The following PALS2 variants were observed in gnomAD, a reference collection of about 807,000 sequenced individuals.
PALS2 encodes the protein protein associated with LIN7 2, MAGUK p55 family member.
Under a neutral mutation model 61.6 loss-of-function variants are expected in PALS2, and 27 were observed. The observed-to-expected ratio is 0.44, with a 90% CI of 0.32 to 0.60. The LOEUF is 0.60. Ranked by LOEUF, PALS2 falls within the 20% of genes least tolerant of loss-of-function variation. The probability of loss-of-function intolerance (pLI) is 0.05; values close to 1 mark genes in which losing one functional copy is unlikely to be tolerated. For synonymous variants in PALS2, 236 were observed against 218.6 expected, an observed-to-expected ratio of 1.08 and a Z score of -0.70; for missense variants, 554 against 639.4, an observed-to-expected ratio of 0.87 and a Z score of 1.44.
At position 24,666,022 on chromosome 7, in the gene PALS2, AC is replaced by A; in HGVS notation, c.887del (p.Pro296LeufsTer6). On this transcript the variant is annotated frameshift_variant and splice_region_variant, in exon 8 of 12. Coordinates refer to ENST00000222644, the MANE Select transcript of PALS2 (RefSeq NM_001303037.2). LOFTEE classifies it high-confidence loss of function. ...FVRRDWDNSG[P>X]FCGTISSKKK... is the part of the protein sequence containing the mutation. ...TATATTTGTTTTATCATCCTTCAGG[AC>A]CTTTTTGTGGAACTATAAGTAGCAA... The A allele has an allele frequency of 6.2e-7, 1 of 1,607,618 alleles. No homozygotes were observed. The highest frequency in any genetic ancestry group is 8.5e-7 in the Non-Finnish European group (1 of 1,174,992).
chr7:24,583,534 C>T (rs1464326217), intron 1 of PALS2, among the ~76,000 whole-genome samples: 2 of 151,862 alleles, frequency 1.3e-5, no homozygotes, highest in Non-Finnish European at 2.9e-5. Context: ...TTGAAAGAAA[C>T]TTTTCACGAC....
intron 8 of PALS2, among the ~76,000 whole-genome samples, chr7:24,667,235 A>G (rs966475340): frequency 6.6e-6 from 1 of 152,174 alleles, no homozygotes; most frequent in African/African-American, 2.4e-5. Context: ...CTTTTTTGCA[A>G]AATAGAAAAT....
At chr7:24,659,436 C>T (rs528574224) in intron 5 of PALS2, among the ~76,000 whole-genome samples, 26 of 152,218 alleles carry the variant, frequency 1.7e-4, no homozygotes, top group Non-Finnish European at 3.1e-4. Context: ...GTGCTTTCCA[C>T]AGTGGCTGAA....
At chr7:24,629,034 A>T (rs1183393089) in intron 2 of PALS2, among the ~76,000 whole-genome samples, 4 of 152,154 alleles carry the variant, frequency 2.6e-5, no homozygotes, top group Non-Finnish European at 4.4e-5. Context: ...TATAGCCTAG[A>T]CAATCCTAAG....
intron 11 of PALS2, among the ~76,000 whole-genome samples, chr7:24,686,470 G>C (rs1312548749): frequency 6.6e-6 from 1 of 152,116 alleles, no homozygotes; most frequent in Non-Finnish European, 1.5e-5. Flanking sequence ...ATTTTGCCCT[G>C]CTGTTTCCTC....
rs141744941 is a variant in PALS2, at chr7:24,581,398, T to C, written c.-3+7805T>C. Among the ~76,000 whole-genome samples, 270 of 152,264 alleles carry C rather than the reference T, an allele frequency of 1.8e-3. 1 individual carries two copies. The highest frequency in any genetic ancestry group is 6.3e-3 in the African/African-American group (260 of 41,570). On this transcript the variant is annotated intron_variant, in intron 1 of 11. Coordinates refer to ENST00000222644, the MANE Select transcript of PALS2 (RefSeq NM_001303037.2). Reference sequence around the variant, plus strand: ...ATCTTTAATCACACCTGTGAAACTTTCCAAATGCGGTGACATTCATAGGTG... The same window carrying C: ...ATCTTTAATCACACCTGTGAAACTTCCCAAATGCGGTGACATTCATAGGTG...
chr7:24,678,769 G>A (rs565751482), intron 9 of PALS2, among the ~76,000 whole-genome samples: 92 of 152,112 alleles, frequency 6.0e-4, no homozygotes, highest in Non-Finnish European at 1.1e-3. Context: ...ATTTTAAGAA[G>A]CATATTTTTG....
At chr7:24,665,497 C>CT in intron 6 of PALS2, 91 bp from the exon 7 acceptor site, 1 of 1,165,712 alleles carries the variant, frequency 8.6e-7, no homozygotes, top group Non-Finnish European at 1.3e-6. Context: ...GCAAATGTGA[C>CT]TTTTTTGACT....
At position 24,623,732 on chromosome 7, in the gene PALS2, T is replaced by A; in HGVS notation, c.65T>A (p.Leu22Gln). The A allele has an allele frequency of 6.2e-7, 1 of 1,609,266 alleles. No individual in the cohort carries two copies. The highest frequency in any genetic ancestry group is 8.5e-7 in the Non-Finnish European group (1 of 1,177,674). ...PSSTGAEEID[L>Q]IFLKGIMENP... is the part of the protein sequence containing the mutation. The stretch of plus-strand genomic sequence containing the variant: ...TCTACTGGAGCAGAAGAAATAGACC[T>A]AATTTTCCTCAAGGGAATTATGGAG... Residue 22 changes from leucine (L) to glutamine (Q), a missense_variant, in exon 2 of 12, where the codon CTA becomes CAA. Transcript: ENST00000222644.
intron 5 of PALS2, among the ~76,000 whole-genome samples, chr7:24,660,736 C>T (rs538858397): frequency 6.6e-6 from 1 of 152,234 alleles, no homozygotes; most frequent in East Asian, 1.9e-4. Flanking sequence ...GAATACATTC[C>T]CAGACATGGA....
At chr7:24,603,193 A>G (rs1754556902) in intron 1 of PALS2, among the ~76,000 whole-genome samples, 1 of 152,176 alleles carries the variant, frequency 6.6e-6, no homozygotes. Context: ...TAAGCTACCC[A>G]GGCTATATTT....
At chr7:24,590,238 T>C (rs891753021) in intron 1 of PALS2, among the ~76,000 whole-genome samples, 2 of 152,212 alleles carry the variant, frequency 1.3e-5, no homozygotes, top group African/African-American at 2.4e-5. Context: ...TCTTACCTGC[T>C]TTCTTTCCTG....
intron 9 of PALS2, among the ~76,000 whole-genome samples, chr7:24,673,734 A>G (rs933702907): frequency 1.3e-5 from 2 of 152,032 alleles, no homozygotes; most frequent in Admixed American, 6.6e-5. Context: ...CTTTTCGGAC[A>G]ACCAAATTTT....
At chr7:24,657,924 T>C (rs1405389208) in intron 5 of PALS2, among the ~76,000 whole-genome samples, 4 of 152,218 alleles carry the variant, frequency 2.6e-5, no homozygotes, top group African/African-American at 9.6e-5. Context: ...CATATGAATA[T>C]TCAATTTTTC....
intron 3 of PALS2, 101 bp downstream of exon 3, chr7:24,641,969 G>T: frequency 4.8e-6 from 6 of 1,254,322 alleles, no homozygotes; most frequent in Non-Finnish European, 5.6e-6. Context: ...GATTATTTAG[G>T]GCTATAATAG....
At chr7:24,634,563 A>G (rs1007913221) in intron 2 of PALS2, among the ~76,000 whole-genome samples, 10 of 152,060 alleles carry the variant, frequency 6.6e-5, no homozygotes, top group African/African-American at 2.4e-4. Context: ...ATGAAGTCCA[A>G]GTTGTCTTTT....
At chr7:24,577,276 T>C (rs1286984492) in intron 1 of PALS2, among the ~76,000 whole-genome samples, 1 of 151,372 alleles carries the variant, frequency 6.6e-6, no homozygotes, top group Admixed American at 6.6e-5. Context: ...TTTTCCTTTT[T>C]TTTTTTTTTT....
At chr7:24,592,845 CTGG>C (rs762388800) in intron 1 of PALS2, among the ~76,000 whole-genome samples, 8 of 152,026 alleles carry the variant, frequency 5.3e-5, no homozygotes, top group Non-Finnish European at 1.2e-4. Flanking sequence ...AAGTCTTTTG[CTGG>C]TGGAGGGTCT....
intron 2 of PALS2, among the ~76,000 whole-genome samples, chr7:24,638,159 G>A (rs1378819805): frequency 6.6e-6 from 1 of 151,712 alleles, no homozygotes; most frequent in Non-Finnish European, 1.5e-5. Context: ...ACATCTCAGA[G>A]CTTAAAAAGC....
Sources: allele counts gnomAD v4.1 joint callset (sites outside exome capture counted in the v4.1 genomes callset), GRCh38; gene constraint gnomAD v4.1.1; transcripts MANE v1.5; gene names NCBI Gene and HGNC (gene_info 2026-07-23, HGNC 2026-07-21).